The following TBC1D12 variants were observed in gnomAD, a reference collection of about 807,000 sequenced individuals.
TBC1D12 encodes the protein TBC1 domain family, member 12.
A neutral mutation model predicts 86.7 loss-of-function variants in TBC1D12; 56 were observed. The observed-to-expected ratio is 0.65, with a 90% CI of 0.52 to 0.81. The LOEUF (loss-of-function observed/expected upper bound fraction) is 0.81, where lower values mean the gene tolerates loss of function less well. TBC1D12 is among the 30% of genes least tolerant of loss of function. The probability of loss-of-function intolerance (pLI) is 0.00; values close to 1 mark genes in which losing one functional copy is unlikely to be tolerated. For missense variants in TBC1D12, 1,023 were observed against 1,038.8 expected (o/e 0.98, Z 0.21); for synonymous variants, 421 against 411.7 (o/e 1.02, Z -0.27).
intron 1 of TBC1D12, 147 bp downstream of exon 1, chr10:94,403,731 G>C (rs1185526972): frequency 3.4e-5 from 35 of 1,018,324 alleles, no homozygotes; most frequent in Non-Finnish European, 3.3e-5. Context: ...TCAGGACTTA[G>C]CTTTGATTTG....
intron 7 of TBC1D12, chr10:94,509,532 C>A (rs1396358648): frequency 6.6e-6 from 1 of 152,570 alleles, no homozygotes; most frequent in Non-Finnish European, 1.5e-5. Flanking sequence ...AAACCAGATA[C>A]ACATTCAGGG....
rs760534166 is a variant in TBC1D12, at chr10:94,402,778, G to C, written c.165G>C (p.Glu55Asp). ...AGCCGCCGGAGGAGGCTGACGAGGA[G>C]GAGGAGGCTGACGAGGAGGAGGAGA... ...AVEPPEEADE[E>D]EEADEEEETP... The change falls in exon 1 of 13, where the codon GAG becomes GAC. Residue 55 changes from glutamate to aspartate, a missense_variant. Physicochemically the swap from Glu to Asp is conservative, Grantham distance 45. Coordinates refer to ENST00000225235, the MANE Select transcript of TBC1D12 (RefSeq NM_015188.2). 2.6e-6 allele frequency: 4 copies of C among 1,544,380 alleles called. No homozygotes were observed. In the South Asian group the frequency reaches 4.8e-5, roughly 18 times the overall value.
intron 1 of TBC1D12, among the ~76,000 whole-genome samples, chr10:94,435,117 T>C (rs1333993361): frequency 6.6e-6 from 1 of 152,240 alleles, no homozygotes; most frequent in East Asian, 1.9e-4. Context: ...AGTGGATTTT[T>C]GGATTTTGAG....
intron 6 of TBC1D12, among the ~76,000 whole-genome samples, chr10:94,503,252 T>G (rs1340860107): frequency 6.6e-6 from 1 of 152,204 alleles, no homozygotes; most frequent in Non-Finnish European, 1.5e-5. Context: ...GACATATATG[T>G]TAACATCCAA....
At chr10:94,435,255 C>T (rs1420358687) in intron 1 of TBC1D12, among the ~76,000 whole-genome samples, 3 of 152,168 alleles carry the variant, frequency 2.0e-5, no homozygotes, top group Non-Finnish European at 1.5e-5. Context: ...GGGTATGCAG[C>T]TGTTCAACTT....
chr10:94,445,236 G>A (rs1232097418), intron 2 of TBC1D12, among the ~76,000 whole-genome samples: 1 of 151,838 alleles, frequency 6.6e-6, no homozygotes, highest in Non-Finnish European at 1.5e-5. Flanking sequence ...GCACGTGCCT[G>A]TAGTCCCAGC....
intron 3 of TBC1D12, among the ~76,000 whole-genome samples, chr10:94,483,490 G>A (rs1564970003): frequency 6.6e-6 from 1 of 152,022 alleles, no homozygotes; most frequent in African/African-American, 2.4e-5. Flanking sequence ...TTGTAATTTT[G>A]ATTTGCATTT....
At chr10:94,435,442 G>T (rs1291188200) in intron 1 of TBC1D12, among the ~76,000 whole-genome samples, 3 of 152,148 alleles carry the variant, frequency 2.0e-5, no homozygotes, top group African/African-American at 4.8e-5. Context: ...TTTTTAGTTT[G>T]TGAGCTCCCT....
At chr10:94,480,851 TG>T (rs2056067677) in intron 3 of TBC1D12, among the ~76,000 whole-genome samples, 1 of 150,826 alleles carries the variant, frequency 6.6e-6, no homozygotes, top group Non-Finnish European at 1.5e-5. Context: ...CACTCCAGCC[TG>T]GGCAACAGAG....
chr10:94,480,710 TTA>T (rs935646502), intron 3 of TBC1D12, among the ~76,000 whole-genome samples: 6 of 149,116 alleles, frequency 4.0e-5, no homozygotes, highest in Admixed American at 6.7e-5. Flanking sequence ...ATATATATGT[TTA>T]TATATATATA....
At chr10:94,510,679 T>C (rs2134205619) in intron 8 of TBC1D12, among the ~76,000 whole-genome samples, 2 of 152,324 alleles carry the variant, frequency 1.3e-5, no homozygotes, top group Middle Eastern at 6.8e-3. Context: ...TTATTTCTTT[T>C]TAAATTTGAG....
At chr10:94,498,150 C>T (rs2056349170) in intron 5 of TBC1D12, among the ~76,000 whole-genome samples, 1 of 151,992 alleles carries the variant, frequency 6.6e-6, no homozygotes, top group African/African-American at 2.4e-5. Flanking sequence ...GCTAACATAC[C>T]ATCAATTGTA....
At chr10:94,415,114 C>G (rs1252667370) in intron 1 of TBC1D12, among the ~76,000 whole-genome samples, 1 of 152,132 alleles carries the variant, frequency 6.6e-6, no homozygotes, top group Non-Finnish European at 1.5e-5. Flanking sequence ...ATTAAAGTCC[C>G]TCTTACCCAC....
Position 94,513,455 on chromosome 10 carries a change from A to G in TBC1D12, c.1761+1801A>G, listed in dbSNP as rs116000949. 3.0e-3 allele frequency among the ~76,000 whole-genome samples: 452 copies of G among 152,294 alleles called. 3 individuals carry two copies. Among genetic ancestry groups the G allele is most frequent in the African/African-American group, 0.01 (426 of 41,556 alleles). On this transcript the variant is annotated intron_variant, in intron 9 of 12. Coordinates refer to ENST00000225235, the MANE Select transcript of TBC1D12 (RefSeq NM_015188.2). ...TCTGTAGTGGAGTTTAAATACTGTA[A>G]TAAATTTACATATATCATAGTCCAT...
At chr10:94,519,356 A>G (rs772643592) in intron 9 of TBC1D12, among the ~76,000 whole-genome samples, 3 of 152,164 alleles carry the variant, frequency 2.0e-5, no homozygotes, top group Non-Finnish European at 2.9e-5. Flanking sequence ...CTAGTTCCCT[A>G]TGGATACTGT....
chr10:94,507,656 AAAT>A (rs769433267), intron 7 of TBC1D12, among the ~76,000 whole-genome samples: 272 of 152,308 alleles, frequency 1.8e-3, no homozygotes, highest in Non-Finnish European at 3.1e-3. Flanking sequence ...ATGAGAATTA[AAAT>A]TATAAGTATT....
chr10:94,403,625 C>T, intron 1 of TBC1D12, 41 bp downstream of exon 1: 1 of 1,406,724 alleles, frequency 7.1e-7, no homozygotes, highest in Non-Finnish European at 9.2e-7. Context: ...GGGTCCGGGG[C>T]CGGGGCCGGA....
rs896483543 is a variant in TBC1D12, at chr10:94,535,462, T to C, written c.*2366T>C. 6.6e-6 allele frequency: 1 copy of C among 152,182 alleles called. No homozygotes were observed. The highest frequency in any genetic ancestry group is 1.5e-5 in the Non-Finnish European group (1 of 68,020). The allele number at this position is 152,182 out of a possible 1,614,324, so 9.4% of individuals were successfully genotyped here. A position where few individuals can be genotyped will look rare whatever the true frequency, so the allele number is the denominator to read the frequency against. On this transcript the variant is annotated 3_prime_UTR_variant, in exon 13 of 13. Coordinates refer to ENST00000225235, the MANE Select transcript of TBC1D12 (RefSeq NM_015188.2). Reference sequence around the variant, plus strand: ...CTTGTTAGTGTAGTGACTGCCTCTTTAGGAGTATGGGGCCCTAGGGTGTCC... The same window carrying C: ...CTTGTTAGTGTAGTGACTGCCTCTTCAGGAGTATGGGGCCCTAGGGTGTCC...
At chr10:94,526,016 A>G (rs1842278921) in intron 11 of TBC1D12, among the ~76,000 whole-genome samples, 1 of 152,206 alleles carries the variant, frequency 6.6e-6, no homozygotes, top group African/African-American at 2.4e-5. Flanking sequence ...AGTGCTATAG[A>G]ACACTAGAAC....
Sources: gnomAD v4.1 joint callset for allele counts (sites outside exome capture counted in the v4.1 genomes callset) on GRCh38, gnomAD v4.1.1 for gene constraint, MANE v1.5 for transcripts, NCBI Gene and HGNC (gene_info 2026-07-23, HGNC 2026-07-21) for gene names.